ADAMTS12: variants seen among roughly 807,000 people sequenced by gnomAD.
ADAMTS12 encodes A disintegrin and metalloproteinase with thrombospondin motifs 12.
Under a neutral mutation model 167.8 loss-of-function variants are expected in ADAMTS12, and 118 were observed. The ratio of observed to expected loss-of-function variants is 0.70; its 90% CI spans 0.61 to 0.82. The LOEUF is 0.82. ADAMTS12 is among the 40% of genes least tolerant of loss of function. The probability of loss-of-function intolerance (pLI) is 0.00; values close to 1 mark genes in which losing one functional copy is unlikely to be tolerated. For synonymous variants in ADAMTS12, 704 were observed against 716.9 expected (o/e 0.98, Z 0.29); for missense variants, 1,916 against 1,998.8 (o/e 0.96, Z 0.79).
At chr5:33,634,914 T>C (rs1162906284) in intron 12 of ADAMTS12, among the ~76,000 whole-genome samples, 1 of 152,042 alleles carries the variant, frequency 6.6e-6, no homozygotes, top group Non-Finnish European at 1.5e-5. Flanking sequence ...CAGGCTGGAG[T>C]GAGGTGGTGC....
chr5:33,788,285 CTCT>C (rs1372611164), intron 2 of ADAMTS12, among the ~76,000 whole-genome samples: 1 of 151,934 alleles, frequency 6.6e-6, no homozygotes, highest in Admixed American at 6.6e-5. Flanking sequence ...TTTTCTCTCT[CTCT>C]TTTTTTTTGC....
chr5:33,848,909 G>A (rs1027281947), intron 2 of ADAMTS12, among the ~76,000 whole-genome samples: 1 of 151,014 alleles, frequency 6.6e-6, no homozygotes, highest in Non-Finnish European at 1.5e-5. Flanking sequence ...ACACACACAT[G>A]ATATATATAT....
At chr5:33,721,230 G>A (rs1263383637) in intron 3 of ADAMTS12, among the ~76,000 whole-genome samples, 3 of 152,176 alleles carry the variant, frequency 2.0e-5, no homozygotes, top group Non-Finnish European at 4.4e-5. Flanking sequence ...CTAGAATAAA[G>A]AGGCCCCGGA....
intron 1 of ADAMTS12, among the ~76,000 whole-genome samples, chr5:33,883,320 TTTTTTTG>T (rs1186337705): frequency 8.8e-6 from 1 of 113,242 alleles, no homozygotes; most frequent in Non-Finnish European, 1.8e-5. Flanking sequence ...TGTTTGGTTT[TTTTTTTG>T]TTTTTTTTTT....
At chr5:33,735,065 T>C (rs1744323143) in intron 3 of ADAMTS12, among the ~76,000 whole-genome samples, 1 of 152,248 alleles carries the variant, frequency 6.6e-6, no homozygotes, top group Admixed American at 6.5e-5. Context: ...TAACAATAAC[T>C]AATATACATT....
At chr5:33,778,783 G>A (rs1746009899) in intron 2 of ADAMTS12, among the ~76,000 whole-genome samples, 1 of 152,044 alleles carries the variant, frequency 6.6e-6, no homozygotes, top group Admixed American at 6.6e-5. Flanking sequence ...CCGATAAGGG[G>A]TAAATATCCA....
intron 14 of ADAMTS12, among the ~76,000 whole-genome samples, chr5:33,618,806 T>C (rs764089971): frequency 4.6e-5 from 7 of 152,212 alleles, no homozygotes; most frequent in African/African-American, 7.2e-5. Context: ...ATCCACAACA[T>C]TGGGACACAG....
chr5:33,545,741 C>A (rs1014888908), intron 22 of ADAMTS12, among the ~76,000 whole-genome samples: 1 of 151,726 alleles, frequency 6.6e-6, no homozygotes, highest in Non-Finnish European at 1.5e-5. Flanking sequence ...AACCATCATT[C>A]TCAGCAAACT....
At chr5:33,848,917 T>A (rs1401041271) in intron 2 of ADAMTS12, among the ~76,000 whole-genome samples, 1 of 151,698 alleles carries the variant, frequency 6.6e-6, no homozygotes, top group African/African-American at 2.4e-5. Flanking sequence ...ATGATATATA[T>A]ATATCGTGGT....
At chr5:33,674,687 G>A (rs574267554) in intron 5 of ADAMTS12, among the ~76,000 whole-genome samples, 1 of 152,172 alleles carries the variant, frequency 6.6e-6, no homozygotes, top group South Asian at 2.1e-4. Context: ...GGGACAAGAG[G>A]GACAGGTACA....
At chr5:33,889,744 G>A (rs1263220310) in intron 1 of ADAMTS12, among the ~76,000 whole-genome samples, 1 of 152,180 alleles carries the variant, frequency 6.6e-6, no homozygotes, top group Non-Finnish European at 1.5e-5. Context: ...CCTGAGGTCA[G>A]GAGTTGGAGA....
At chr5:33,842,652 G>T (rs962442532) in intron 2 of ADAMTS12, among the ~76,000 whole-genome samples, 4 of 152,214 alleles carry the variant, frequency 2.6e-5, no homozygotes, top group African/African-American at 9.6e-5. Flanking sequence ...AAAAACAGAG[G>T]AAAGTGGGAG....
chr5:33,805,192 A>G (rs1747175232), intron 2 of ADAMTS12, among the ~76,000 whole-genome samples: 1 of 152,180 alleles, frequency 6.6e-6, no homozygotes, highest in Non-Finnish European at 1.5e-5. Flanking sequence ...CAACAAAAGG[A>G]GCCACCCTCC....
rs567403071 is a variant in ADAMTS12, at chr5:33,667,012, G to A, written c.916-4972C>T. On this transcript the variant is annotated intron_variant, in intron 5 of 23. Transcript: ENST00000504830. ...CTATGTGAAGTATTAATAGTTAGGA[G>A]AGTGATGATTAACTCCTGTCTACTG... Among the ~76,000 whole-genome samples, 17 of 152,254 alleles carry A rather than the reference G, an allele frequency of 1.1e-4. No individual in the cohort carries two copies. In the South Asian group the frequency reaches 3.3e-3, roughly 30 times the overall value.
chr5:33,566,401 T>C (rs1476795088), intron 19 of ADAMTS12, among the ~76,000 whole-genome samples: 2 of 152,098 alleles, frequency 1.3e-5, no homozygotes, highest in East Asian at 1.9e-4. Flanking sequence ...GAGTTCAGGA[T>C]TGTGATGAGC....
intron 22 of ADAMTS12, among the ~76,000 whole-genome samples, chr5:33,536,548 C>A (rs1202259063): frequency 6.6e-6 from 1 of 152,118 alleles, no homozygotes; most frequent in Admixed American, 6.5e-5. Context: ...AGAACAAGGG[C>A]AAATGTATAT....
chr5:33,681,742 G>T (rs1034943501), intron 5 of ADAMTS12, among the ~76,000 whole-genome samples: 1 of 152,120 alleles, frequency 6.6e-6, no homozygotes, highest in Non-Finnish European at 1.5e-5. Flanking sequence ...ATGAGAAGGC[G>T]CCAGTCATGT....
intron 2 of ADAMTS12, among the ~76,000 whole-genome samples, chr5:33,774,603 T>G (rs1028089891): frequency 6.6e-6 from 1 of 152,168 alleles, no homozygotes; most frequent in Non-Finnish European, 1.5e-5. Context: ...GTCTGCGAAG[T>G]TAGAATTAAC....
At chr5:33,767,606 G>C (rs1051228918) in intron 2 of ADAMTS12, among the ~76,000 whole-genome samples, 3 of 152,100 alleles carry the variant, frequency 2.0e-5, no homozygotes, top group Admixed American at 6.6e-5. Context: ...CAAATAGCTT[G>C]GATGTTTTAG....
Sources: allele counts gnomAD v4.1 joint callset (sites outside exome capture counted in the v4.1 genomes callset), GRCh38; gene constraint gnomAD v4.1.1; transcripts MANE v1.5; gene names NCBI Gene and HGNC (gene_info 2026-07-23, HGNC 2026-07-21).